Variants in GPR158 observed in about 807,000 individuals in gnomAD.
The protein encoded by GPR158 is G protein-coupled receptor 158.
Under a neutral mutation model 78.2 loss-of-function variants are expected in GPR158, and 30 were observed. That is an observed-to-expected ratio of 0.38 (90% CI 0.29 to 0.52). The LOEUF (loss-of-function observed/expected upper bound fraction) is 0.52. GPR158 is among the 20% of genes least tolerant of loss of function. GPR158 has a pLI of 0.83. For missense variants in GPR158, 1,463 were observed against 1,523.5 expected, an observed-to-expected ratio of 0.96 and a Z score of 0.66; for synonymous variants, 581 against 591.1, an observed-to-expected ratio of 0.98 and a Z score of 0.25.
chr10:25,302,579 TA>T (rs1022756793), intron 2 of GPR158, among the ~76,000 whole-genome samples: 1 of 152,178 alleles, frequency 6.6e-6, no homozygotes, highest in African/African-American at 2.4e-5. Context: ...ACTTTTTCTA[TA>T]AATATCCAGG....
intron 2 of GPR158, among the ~76,000 whole-genome samples, chr10:25,224,761 G>A (rs1853350440): frequency 6.6e-6 from 1 of 152,070 alleles, no homozygotes; most frequent in Admixed American, 6.6e-5. Context: ...ACCAATTTTT[G>A]CAGAGGTTTT....
chr10:25,277,600 A>G (rs1484093455), intron 2 of GPR158, among the ~76,000 whole-genome samples: 1 of 152,144 alleles, frequency 6.6e-6, no homozygotes, highest in East Asian at 1.9e-4. Flanking sequence ...AAGTGTGGGA[A>G]CTCAGGCTGC....
chr10:25,532,075 T>A (rs956844161), intron 5 of GPR158, among the ~76,000 whole-genome samples: 16 of 152,360 alleles, frequency 1.1e-4, no homozygotes, highest in African/African-American at 3.8e-4. Context: ...GCAATTTGCA[T>A]AATTATGACT....
intron 2 of GPR158, among the ~76,000 whole-genome samples, chr10:25,381,757 A>G (rs7094566): frequency 0.04 from 6,038 of 152,296 alleles, 371 homozygotes; most frequent in African/African-American, 0.13. Flanking sequence ...TATTATTCAT[A>G]TTAACTTATT....
intron 2 of GPR158, among the ~76,000 whole-genome samples, chr10:25,323,523 G>A (rs1854985884): frequency 6.7e-6 from 1 of 149,060 alleles, no homozygotes; most frequent in South Asian, 2.1e-4. Context: ...AATTATCTTA[G>A]GTAGATTTTT....
chr10:25,426,645 A>T (rs576091019), intron 4 of GPR158, among the ~76,000 whole-genome samples: 1 of 152,106 alleles, frequency 6.6e-6, no homozygotes, highest in Non-Finnish European at 1.5e-5. Flanking sequence ...GCTGTCTTAC[A>T]TGGGTGAGGT....
chr10:25,558,088 G>T (rs1307562931), intron 6 of GPR158, among the ~76,000 whole-genome samples: 1 of 152,118 alleles, frequency 6.6e-6, no homozygotes, highest in Non-Finnish European at 1.5e-5. Flanking sequence ...TCTAATTACA[G>T]CATTACTATT....
At chr10:25,457,186 G>C (rs3123901) in intron 4 of GPR158, among the ~76,000 whole-genome samples, 65,390 of 133,996 alleles carry the variant, frequency 0.49, 16,710 homozygotes, top group East Asian at 0.8. Context: ...GTAGAGATGG[G>C]ATTTCACCAT....
chr10:25,450,163 G>C (rs1835194901), intron 4 of GPR158, among the ~76,000 whole-genome samples: 1 of 152,078 alleles, frequency 6.6e-6, no homozygotes, highest in African/African-American at 2.4e-5. Context: ...GCCAGAGAGA[G>C]CAGGGAGGTG....
At position 25,175,386 on chromosome 10, in the gene GPR158, C is replaced by T. The variant is rs183511748; in HGVS notation, c.-35C>T. 3.1e-6 allele frequency: 4 copies of T among 1,294,576 alleles called. No homozygotes were observed. The highest frequency in any genetic ancestry group is 2.3e-5 in the East Asian group (1 of 42,814). 80.2% of individuals were successfully genotyped at this position (1,294,576 alleles called of 1,614,324 possible). ...TCCAAATTTAAAAAGTGATTCCCCC[C>T]CCTCCCGTTCCCTCCTCTTCTCTCT... On this transcript the variant is annotated 5_prime_UTR_variant, in exon 1 of 11. Transcript: ENST00000376351. This position sits in a 1 kb window ranked among gnomAD's most constrained non-coding sequence, Gnocchi z 6.4.
At chr10:25,488,067 T>C (rs748458437) in intron 5 of GPR158, among the ~76,000 whole-genome samples, 13 of 152,142 alleles carry the variant, frequency 8.5e-5, no homozygotes. Context: ...TTTAAAAGGC[T>C]AAATTTTTTT....
intron 3 of GPR158, among the ~76,000 whole-genome samples, chr10:25,407,793 G>C (rs1834534175): frequency 1.3e-5 from 2 of 151,964 alleles, no homozygotes; most frequent in African/African-American, 4.8e-5. Context: ...AGTCTCACCT[G>C]GATTATTACA....
intron 2 of GPR158, among the ~76,000 whole-genome samples, chr10:25,232,431 A>G (rs565162924): frequency 6.6e-6 from 1 of 152,198 alleles, no homozygotes; most frequent in East Asian, 1.9e-4. Flanking sequence ...CCCCTTTTTG[A>G]GCAAGTGAAG....
In GPR158 at chr10:25,176,409, C is replaced by A; in HGVS notation, c.902+87C>A. On this transcript the variant is annotated intron_variant, in intron 1 of 10. Transcript: ENST00000376351. The surrounding 1 kb of genome is among the most constrained non-coding windows in gnomAD (Gnocchi z 6.3). ...GTGGGTGCACGTGTGAGGAAGGAAC[C>A]CTTGGCTGTGACGCGAACGCTTCTC... 9.5e-7 allele frequency: 1 copy of A among 1,054,420 alleles called. No individual in the cohort carries two copies. The highest frequency in any genetic ancestry group is 1.3e-6 in the Non-Finnish European group (1 of 742,324). 65.3% of individuals were successfully genotyped at this position (1,054,420 alleles called of 1,614,324 possible).
chr10:25,411,495 G>A (rs1235725769), intron 3 of GPR158, among the ~76,000 whole-genome samples: 1 of 152,106 alleles, frequency 6.6e-6, no homozygotes, highest in Non-Finnish European at 1.5e-5. Context: ...GGGCTATCTA[G>A]GTCAAGAAGT....
chr10:25,541,829 C>T (rs1307660465), intron 5 of GPR158, among the ~76,000 whole-genome samples: 1 of 151,154 alleles, frequency 6.6e-6, no homozygotes, highest in Admixed American at 6.6e-5. Context: ...TTAATTCTTC[C>T]CATGTTGTTA....
chr10:25,375,312 C>G (rs965716168), intron 2 of GPR158, among the ~76,000 whole-genome samples: 2 of 151,462 alleles, frequency 1.3e-5, no homozygotes, highest in East Asian at 3.9e-4. Context: ...ATCATTTCTC[C>G]CAACCCATAC....
chr10:25,474,266 C>T (rs922799399), intron 5 of GPR158, among the ~76,000 whole-genome samples: 3 of 152,120 alleles, frequency 2.0e-5, no homozygotes, highest in Admixed American at 1.3e-4. Flanking sequence ...ATAGGATCTC[C>T]GGAACTGTAA....
intron 2 of GPR158, among the ~76,000 whole-genome samples, chr10:25,327,018 A>G (rs2130486569): frequency 6.6e-6 from 1 of 152,326 alleles, no homozygotes. Flanking sequence ...CATTTGACTT[A>G]CTGTATTTCT....
Sources: allele counts gnomAD v4.1 joint callset (sites outside exome capture counted in the v4.1 genomes callset), GRCh38; gene constraint gnomAD v4.1.1; non-coding constraint Gnocchi (gnomAD v3.1); transcripts MANE v1.5; gene names NCBI Gene and HGNC (gene_info 2026-07-23, HGNC 2026-07-21).